Variants in SORBS3 observed in about 807,000 individuals in gnomAD.
The protein encoded by SORBS3 is sorbin and SH3 domain containing 3, also known as vinexin.
In SORBS3, 69 loss-of-function variants were observed where a neutral mutation model predicts 98.0. That is an observed-to-expected ratio of 0.70 (90% CI 0.58 to 0.86). SORBS3 has a LOEUF of 0.86. SORBS3 is among the 40% of genes least tolerant of loss of function. SORBS3 has a pLI of 0.00. For missense variants in SORBS3, 954 were observed against 908.5 expected, an observed-to-expected ratio of 1.05 and a Z score of -0.64; for synonymous variants, 394 against 355.4, an observed-to-expected ratio of 1.11 and a Z score of -1.22.
At chr8:22,561,474 A>C in intron 6 of SORBS3, 101 bp downstream of exon 6, 1 of 1,293,138 alleles carries the variant, frequency 7.7e-7, no homozygotes, top group South Asian at 1.2e-5. Context: ...GGGGCTCTCC[A>C]GTTGGCTCAG....
rs762060794 is a variant in SORBS3 at position 22,564,463 on chromosome 8, T to C, written c.763-5T>C. ...CTGCTCTGACACACCCTTTCTACCC[T>C]TCAGCCCAAGAAACCGCTGGTGGAC... On this transcript the variant is annotated splice_region_variant and splice_polypyrimidine_tract_variant and intron_variant, in intron 9 of 20. Transcript: ENST00000240123. The C allele has an allele frequency of 1.2e-5, 19 of 1,614,006 alleles. No individual in the cohort carries two copies. Among genetic ancestry groups the C allele is most frequent in the Non-Finnish European group, 8.5e-7 (1 of 1,180,006 alleles).
chr8:22,554,292 G>T lies in SORBS3; in HGVS notation c.-55-160G>T. The T allele has an allele frequency of 7.8e-6, 5 of 644,812 alleles. No individual in the cohort carries two copies. Among genetic ancestry groups the T allele is most frequent in the Non-Finnish European group, 9.7e-6 (4 of 412,112 alleles). 39.9% of individuals were successfully genotyped at this position (644,812 alleles called of 1,614,324 possible). The stretch of plus-strand genomic sequence containing the variant: ...GCAGGCACGGGCAGCCTGCAGGCGG[G>T]TGCCTGGCGTGGCCTGTTTCCTGGG... On this transcript the variant is annotated intron_variant, in intron 1 of 20. Coordinates refer to ENST00000240123, the MANE Select transcript of SORBS3 (RefSeq NM_005775.5). This position sits in a 1 kb window ranked among gnomAD's most constrained non-coding sequence, Gnocchi z 6.5.
At chr8:22,559,121 T>G (rs1412642840) in intron 5 of SORBS3, among the ~76,000 whole-genome samples, 2 of 152,008 alleles carry the variant, frequency 1.3e-5, no homozygotes, top group Non-Finnish European at 2.9e-5. Flanking sequence ...TGCCTGGCTG[T>G]GGGGTGGGAA....
At position 22,554,821 on chromosome 8, in the gene SORBS3, C is replaced by T; in HGVS notation, c.103-42C>T. Reference sequence around the variant, plus strand: ...CCTAGTAGCCATCCCTCCCTCCCGCCCTGCTGGGCCCTGAGCTGCCGCTCC... The same window carrying T: ...CCTAGTAGCCATCCCTCCCTCCCGCTCTGCTGGGCCCTGAGCTGCCGCTCC... On this transcript the variant is annotated intron_variant, in intron 2 of 20. Coordinates refer to ENST00000240123, the MANE Select transcript of SORBS3 (RefSeq NM_005775.5). This position sits in a 1 kb window ranked among gnomAD's most constrained non-coding sequence, Gnocchi z 6.5. 6.6e-7 allele frequency: 1 copy of T among 1,509,588 alleles called. No homozygotes were observed. Among genetic ancestry groups the T allele is most frequent in the Non-Finnish European group, 9.2e-7 (1 of 1,088,920 alleles). The allele number at this position is 1,509,588 out of a possible 1,614,324, so 93.5% of individuals were successfully genotyped here.
At chr8:22,556,929 C>T (rs1419939452) in intron 4 of SORBS3, 21 bp downstream of exon 4, 1 of 1,610,238 alleles carries the variant, frequency 6.2e-7, no homozygotes, top group African/African-American at 1.3e-5. Context: ...GGCTGGGGGC[C>T]ACGGAGAGAT....
At chr8:22,573,282 G>A (rs1481657604) in intron 20 of SORBS3, 1 of 453,778 alleles carries the variant, frequency 2.2e-6, no homozygotes, top group South Asian at 1.6e-5. Flanking sequence ...CAAATTTACT[G>A]GATACACTTT....
intron 3 of SORBS3, among the ~76,000 whole-genome samples, chr8:22,555,498 A>G (rs1362221365): frequency 6.6e-6 from 1 of 152,216 alleles, no homozygotes; most frequent in Non-Finnish European, 1.5e-5. Context: ...GGTGCTGTGT[A>G]AAGGAATTTA....
Position 22,565,253 on chromosome 8 carries a change from T to A in SORBS3, c.817-15T>A. The A allele has an allele frequency of 6.5e-7, 1 of 1,548,252 alleles. No homozygotes were observed. The highest frequency in any genetic ancestry group is 8.7e-7 in the Non-Finnish European group (1 of 1,145,204). ...GTGCGCTGCCCCTCACTGCCCAGCC[T>A]CTCCCCGCCCCCAGGTGCTGCTGGA... On this transcript the variant is annotated splice_polypyrimidine_tract_variant and intron_variant, in intron 10 of 20. Coordinates refer to ENST00000240123, the MANE Select transcript of SORBS3 (RefSeq NM_005775.5).
upstream of SORBS3, among the ~76,000 whole-genome samples, chr8:22,548,898 T>C (rs1438559141): frequency 6.6e-6 from 1 of 152,144 alleles, no homozygotes; most frequent in Non-Finnish European, 1.5e-5. Context: ...CTTTTCAGAG[T>C]GACCCGCATT....
rs548045720 is a variant in SORBS3, at chr8:22,565,353, A to G, written c.902A>G (p.Lys301Arg). The G allele has an allele frequency of 9.8e-5, 152 of 1,550,272 alleles. 1 individual carries two copies. In the East Asian group the frequency reaches 3.5e-3, roughly 35 times the overall value. ...ATTGAGACCCGACTGCCGTCCCCCA[A>G]GGTACCAGCCCCCAGGGTTCACCCG... ...RAIETRLPSP[K>R]SSPAPRRAPE... The change falls in exon 11 of 21, where the codon AAG becomes AGG. Residue 301 changes from lysine to arginine, a missense_variant and splice_region_variant. Physicochemically the swap from Lys to Arg is conservative, Grantham distance 26. Transcript: ENST00000240123.
In SORBS3 at chr8:22,561,924, TC is replaced by T. The variant is rs751714346; in HGVS notation, c.579del (p.Ser194ValfsTer40). 6.2e-7 allele frequency: 1 copy of T among 1,613,952 alleles called. No homozygotes were observed. The highest frequency in any genetic ancestry group is 8.5e-7 in the Non-Finnish European group (1 of 1,179,944). ...CCACAGGCCCGGCCCGGCAACATCT[TC>T]CAGTGGGTGAGCACAGTGGGGCGGG... is the stretch of plus-strand genomic sequence containing the variant. ...PAHRPGPATS[S>X]SGRSWDHSEE... On this transcript the variant is annotated frameshift_variant, in exon 7 of 21. Coordinates refer to ENST00000240123, the MANE Select transcript of SORBS3 (RefSeq NM_005775.5). LOFTEE classifies it high-confidence loss of function.
rs1840153358 is a variant in SORBS3, at chr8:22,554,776, A to G, written c.103-87A>G. 3 of 1,431,810 alleles carry G rather than the reference A, an allele frequency of 2.1e-6. No homozygotes were observed. The highest frequency in any genetic ancestry group is 2.9e-6 in the Non-Finnish European group (3 of 1,044,910). The allele number at this position is 1,431,810 out of a possible 1,614,324, so 88.7% of individuals were successfully genotyped here. On this transcript the variant is annotated intron_variant, in intron 2 of 20. Transcript: ENST00000240123. The surrounding 1 kb of genome is among the most constrained non-coding windows in gnomAD (Gnocchi z 6.5). ...ATCGTCAGGCGGGCCTGGGACTGTC[A>G]CCGAGGGGTGTGGGCTGTGCCTAGT...
rs1324412507 is a variant in SORBS3, at chr8:22,567,649, A to G, written c.1305+474A>G. 2.6e-5 allele frequency among the ~76,000 whole-genome samples: 4 copies of G among 152,176 alleles called. No homozygotes were observed. The East Asian group carries it at 7.7e-4, about 29-fold the overall frequency. ...GGTTCAGTGAAAAGTTATTAAGTAA[A>G]AGATCCAGAATCTGAATCCAGGTCT... On this transcript the variant is annotated intron_variant, in intron 16 of 20. Coordinates refer to ENST00000240123, the MANE Select transcript of SORBS3 (RefSeq NM_005775.5).
Position 22,554,332 on chromosome 8 carries a change from C to T in SORBS3, c.-55-120C>T, listed in dbSNP as rs944738712. The T allele has an allele frequency of 9.5e-6, 10 of 1,058,112 alleles. No homozygotes were observed. The highest frequency in any genetic ancestry group is 4.8e-5 in the African/African-American group (3 of 62,030). The allele number at this position is 1,058,112 out of a possible 1,614,324, so 65.5% of individuals were successfully genotyped here. Reference sequence around the variant, plus strand: ...TGTTTCCTGGGTCCTTGAGCTAGTACCCAGCTGGTCCTGACCCCCTCCCAC... The same window carrying T: ...TGTTTCCTGGGTCCTTGAGCTAGTATCCAGCTGGTCCTGACCCCCTCCCAC... On this transcript the variant is annotated intron_variant, in intron 1 of 20. Transcript: ENST00000240123. The surrounding 1 kb of genome is among the most constrained non-coding windows in gnomAD (Gnocchi z 6.5).
At chr8:22,569,949 C>T (rs887153665) in intron 17 of SORBS3, among the ~76,000 whole-genome samples, 3 of 152,126 alleles carry the variant, frequency 2.0e-5, no homozygotes, top group Admixed American at 1.3e-4. Context: ...AAGGTATAGA[C>T]AGAAATGTTA....
rs769580470 is a variant in SORBS3 at position 22,574,854 on chromosome 8, C to A, written c.*126C>A. 1 of 926,744 alleles carries A rather than the reference C, an allele frequency of 1.1e-6. No homozygotes were observed. Among genetic ancestry groups the A allele is most frequent in the Middle Eastern group, 2.1e-4 (1 of 4,740 alleles). The allele number at this position is 926,744 out of a possible 1,614,324, so 57.4% of individuals were successfully genotyped here. On this transcript the variant is annotated 3_prime_UTR_variant, in exon 21 of 21. Coordinates refer to ENST00000240123, the MANE Select transcript of SORBS3 (RefSeq NM_005775.5). ...CTGAGCTCCCAGCATCTGCAGACGA[C>A]CCCCGCAGCCTTTCCCTCGGACCCC...
intron 6 of SORBS3, 162 bp downstream of exon 6, chr8:22,561,535 C>G (rs1446634821): frequency 1.4e-6 from 1 of 733,354 alleles, no homozygotes; most frequent in African/African-American, 1.8e-5. Flanking sequence ...TCAAATCCCC[C>G]GGTAGGTGGT....
chr8:22,564,788 T>G (rs2117258809), intron 10 of SORBS3: 2 of 1,320,124 alleles, frequency 1.5e-6, no homozygotes, highest in East Asian at 3.3e-5. Context: ...GAAATATTCT[T>G]GGAGGTGGAG....
chr8:22,570,141 G>A (rs915300363), intron 17 of SORBS3, among the ~76,000 whole-genome samples: 1 of 152,198 alleles, frequency 6.6e-6, no homozygotes, highest in African/African-American at 2.4e-5. Flanking sequence ...TGGGAGCAGT[G>A]ATCATGCTCC....
Sources: gnomAD v4.1 joint callset for allele counts (sites outside exome capture counted in the v4.1 genomes callset) on GRCh38, gnomAD v4.1.1 for gene constraint, Gnocchi (gnomAD v3.1) non-coding constraint, MANE v1.5 for transcripts, NCBI Gene and HGNC (gene_info 2026-07-23, HGNC 2026-07-21) for gene names.